The following CIBAR2 variants were observed in gnomAD, a reference collection of about 807,000 sequenced individuals.
CIBAR2 encodes CBY1-interacting BAR domain-containing protein 2.
CIBAR2 carries 38 observed loss-of-function variants against 36.2 expected under a neutral mutation model. The ratio of observed to expected loss-of-function variants is 1.05; its 90% CI spans 0.81 to 1.38. CIBAR2 has a LOEUF of 1.38. CIBAR2 is among the 40% of genes most tolerant of loss of function. The pLI is 0.00. For missense variants in CIBAR2, 481 were observed against 383.4 expected (o/e 1.25, Z -2.13); for synonymous variants, 182 against 149.5 (o/e 1.22, Z -1.58).
chr16:85,100,278 G>T (rs761814834), intron 7 of CIBAR2, 38 bp from the exon 8 acceptor site: 3 of 1,403,356 alleles, frequency 2.1e-6, no homozygotes, highest in Non-Finnish European at 3.0e-6. Flanking sequence ...GATCCGATGG[G>T]AAAACACAGC....
chr16:85,103,969 C>G (rs1348371160), intron 6 of CIBAR2, among the ~76,000 whole-genome samples: 1 of 152,252 alleles, frequency 6.6e-6, no homozygotes, highest in East Asian at 1.9e-4. Flanking sequence ...AGCTCAGGGA[C>G]CTTGTATGTT....
rs760114251 is a variant in CIBAR2 at position 85,105,369 on chromosome 16, C to A, written c.495G>T (p.Glu165Asp). ...DSSRTTLQLE[E>D]TVDGFQRQKL... ...TCTGCCTCTGGAAGCCATCCACAGT[C>A]TCCTCCAGCTGGAGGGTGGTGCGGC... Residue 165 changes from glutamate (E) to aspartate (D), a missense_variant, in exon 6 of 9, where the codon GAG (glutamate) becomes GAT (aspartate). Glu to Asp is a conservative substitution (Grantham distance 45). Transcript: ENST00000539556. The A allele has an allele frequency of 3.7e-6, 6 of 1,613,758 alleles. No individual in the cohort carries two copies. The Admixed American group carries it at 8.3e-5, about 22-fold the overall frequency.
At position 85,102,326 on chromosome 16, in the gene CIBAR2, T is replaced by C. The variant is rs375222323; in HGVS notation, c.539A>G (p.Lys180Arg). 4.6e-5 allele frequency: 73 copies of C among 1,591,308 alleles called. No individual in the cohort carries two copies. The highest frequency in any genetic ancestry group is 6.3e-5 in the Non-Finnish European group (73 of 1,159,500). Residue 180 changes from lysine to arginine, a missense_variant and splice_region_variant, in exon 7 of 9, where the codon AAA becomes AGA. By Grantham distance (26) the Lys-to-Arg change is conservative. Coordinates refer to ENST00000539556, the MANE Select transcript of CIBAR2 (RefSeq NM_198491.3). ...AATAGTTACAAAGTCACAAAAAAAT[T>C]TCTGTGGGGAGAGAAACCCAAAGAA... Reference protein sequence around the residue: ...FQRQKLKDLQKFFCDFVTIEM... With the variant: ...FQRQKLKDLQRFFCDFVTIEM...
intron 1 of CIBAR2, 72 bp downstream of exon 1, chr16:85,112,261 T>G: frequency 2.4e-6 from 3 of 1,258,902 alleles, no homozygotes; most frequent in Non-Finnish European, 3.4e-6. Flanking sequence ...TGCCCTCATC[T>G]TTGTTGGTGC....
intron 6 of CIBAR2, among the ~76,000 whole-genome samples, chr16:85,102,696 T>A (rs2073965107): frequency 6.6e-6 from 1 of 152,150 alleles, no homozygotes; most frequent in Non-Finnish European, 1.5e-5. Flanking sequence ...TGCCAAAGTG[T>A]CAACTGAGGA....
At chr16:85,104,914 G>A (rs564413358) in intron 6 of CIBAR2, among the ~76,000 whole-genome samples, 1 of 152,280 alleles carries the variant, frequency 6.6e-6, no homozygotes, top group Admixed American at 6.5e-5. Context: ...GGTGGCAGGA[G>A]GAAGGCACCC....
chr16:85,099,957 G>A (rs1270063879), intron 8 of CIBAR2, among the ~76,000 whole-genome samples, 182 bp downstream of exon 8: 5 of 151,672 alleles, frequency 3.3e-5, no homozygotes, highest in African/African-American at 1.2e-4. Flanking sequence ...TCTACTTCAA[G>A]GCAAAGTTCT....
chr16:85,106,925 C>T (rs954027547), intron 5 of CIBAR2, among the ~76,000 whole-genome samples: 2 of 152,118 alleles, frequency 1.3e-5, no homozygotes, highest in African/African-American at 4.8e-5. Context: ...GCAGGTGGAT[C>T]GCCTGAGGTC....
In CIBAR2 at chr16:85,110,329, T is replaced by G; in HGVS notation, c.152A>C (p.Lys51Thr). ...RLRDKADQLVKQLIDFANSEN... is the reference protein window; with the variant it reads ...RLRDKADQLVTQLIDFANSEN... ...GGAGTTGGCAAAGTCGATGAGCTGC[T>G]TGACCAGCTGGTCCGCCTTGTCCCG... Residue 51 changes from lysine to threonine, a missense_variant, in exon 2 of 9, where the codon AAG becomes ACG. By Grantham distance (78) the Lys-to-Thr change is moderately conservative. Coordinates refer to ENST00000539556, the MANE Select transcript of CIBAR2 (RefSeq NM_198491.3). 1 of 1,612,944 alleles carries G rather than the reference T, an allele frequency of 6.2e-7. No individual in the cohort carries two copies. The highest frequency in any genetic ancestry group is 8.5e-7 in the Non-Finnish European group (1 of 1,179,436).
At chr16:85,101,879 G>A (rs991024805) in intron 7 of CIBAR2, among the ~76,000 whole-genome samples, 3 of 152,022 alleles carry the variant, frequency 2.0e-5, no homozygotes, top group African/African-American at 7.3e-5. Context: ...TGTTGGCCAG[G>A]CTGGCCTCGA....
At chr16:85,111,071 C>T (rs1052311351) in intron 1 of CIBAR2, among the ~76,000 whole-genome samples, 6 of 152,040 alleles carry the variant, frequency 3.9e-5, no homozygotes, top group African/African-American at 9.7e-5. Context: ...ACTGATCCAC[C>T]GCATTCAGGC....
At chr16:85,109,745 C>T (rs2074025765) in intron 2 of CIBAR2, among the ~76,000 whole-genome samples, 1 of 152,200 alleles carries the variant, frequency 6.6e-6, no homozygotes, top group Admixed American at 6.6e-5. Flanking sequence ...ACAGTCTGTC[C>T]ACCTAGGCCT....
intron 6 of CIBAR2, 79 bp from the exon 7 acceptor site, chr16:85,102,406 G>T (rs1282975603): frequency 3.5e-6 from 3 of 864,404 alleles, no homozygotes; most frequent in Non-Finnish European, 4.0e-6. Flanking sequence ...AGGCAGATGG[G>T]GTGGGGGTGT....
chr16:85,110,165 G>T, intron 2 of CIBAR2, 61 bp downstream of exon 2: 2 of 1,340,542 alleles, frequency 1.5e-6, no homozygotes, highest in Non-Finnish European at 2.1e-6. Context: ...CCTCAGGCCT[G>T]ACCTTGGCAT....
intron 2 of CIBAR2, among the ~76,000 whole-genome samples, chr16:85,108,663 A>G (rs1208252224): frequency 6.6e-6 from 1 of 152,162 alleles, no homozygotes; most frequent in African/African-American, 2.4e-5. Flanking sequence ...ACCTGAGGTC[A>G]GGAGTTCAAG....
chr16:85,101,593 CTTCT>C lies in CIBAR2; in HGVS notation c.651+617_651+620del, dbSNP rs567924475. ...CCAGATCAGAAGGGGATAAAAAGCACTTCTTTCTATTTCAAAACTACATCAAGCA... is the reference window on the plus strand; with the variant it reads ...CCAGATCAGAAGGGGATAAAAAGCACTTCTATTTCAAAACTACATCAAGCA... On this transcript the variant is annotated intron_variant, in intron 7 of 8. Coordinates refer to ENST00000539556, the MANE Select transcript of CIBAR2 (RefSeq NM_198491.3). Among the ~76,000 whole-genome samples, 51 of 152,188 alleles carry C rather than the reference CTTCT, an allele frequency of 3.4e-4. No individual in the cohort carries two copies. The East Asian group carries it at 9.5e-3, about 28-fold the overall frequency.
rs1327259487 is a variant in CIBAR2, at chr16:85,105,385, G to C, written c.479C>G (p.Thr160Ser). 1.5e-5 allele frequency: 25 copies of C among 1,613,754 alleles called. No homozygotes were observed. Among genetic ancestry groups the C allele is most frequent in the Non-Finnish European group, 2.1e-5 (25 of 1,179,974 alleles). ...QRAAVDSSRTTLQLEETVDGF... is the reference protein window; with the variant it reads ...QRAAVDSSRTSLQLEETVDGF... ...ATCCACAGTCTCCTCCAGCTGGAGG[G>C]TGGTGCGGCTGGAGTCCACAGCGGC... Residue 160 changes from threonine (T) to serine (S), a missense_variant, in exon 6 of 9, where the codon ACC becomes AGC. Thr to Ser is a moderately conservative substitution (Grantham distance 58, BLOSUM62 1). Transcript: ENST00000539556.
At position 85,105,378 on chromosome 16, in the gene CIBAR2, C is replaced by G. The variant is rs2144164486; in HGVS notation, c.486G>C (p.Gln162His). ...AAVDSSRTTL[Q>H]LEETVDGFQR... The stretch of plus-strand genomic sequence containing the variant: ...GGAAGCCATCCACAGTCTCCTCCAG[C>G]TGGAGGGTGGTGCGGCTGGAGTCCA... The change falls in exon 6 of 9, where the codon CAG (glutamine) becomes CAC (histidine). Residue 162 changes from glutamine to histidine, a missense_variant. Gln to His is a conservative substitution (Grantham distance 24). Transcript: ENST00000539556. 2 of 1,613,956 alleles carry G rather than the reference C, an allele frequency of 1.2e-6. No homozygotes were observed. The highest frequency in any genetic ancestry group is 1.7e-6 in the Non-Finnish European group (2 of 1,179,996).
intron 7 of CIBAR2, 49 bp from the exon 8 acceptor site, chr16:85,100,289 G>A (rs202130672): frequency 3.6e-5 from 46 of 1,287,210 alleles, no homozygotes; most frequent in East Asian, 3.5e-4. Flanking sequence ...AAAACACAGC[G>A]TGGGTTGGGG....
Sources: allele counts gnomAD v4.1 joint callset (sites outside exome capture counted in the v4.1 genomes callset), GRCh38; gene constraint gnomAD v4.1.1; transcripts MANE v1.5; gene names NCBI Gene and HGNC (gene_info 2026-07-23, HGNC 2026-07-21).